Variants in ENDOD1 observed in about 807,000 individuals in gnomAD.
ENDOD1 encodes endonuclease domain-containing 1 protein.
ENDOD1 carries 9 observed loss-of-function variants against 6.5 expected under a neutral mutation model. That is an observed-to-expected ratio of 1.39 (90% confidence interval 0.84 to 2.43). ENDOD1 has a LOEUF of 2.43. ENDOD1 is among the 30% of genes most tolerant of loss of function. ENDOD1 has a pLI of 0.00. For synonymous variants in ENDOD1, 255 were observed against 255.2 expected, an observed-to-expected ratio of 1.00 and a Z score of 0.01; for missense variants, 648 against 635.5, an observed-to-expected ratio of 1.02 and a Z score of -0.21.
intron 1 of ENDOD1, among the ~76,000 whole-genome samples, chr11:95,122,391 CTT>C (rs539153720): frequency 3.6e-4 from 48 of 134,800 alleles, no homozygotes; most frequent in East Asian, 1.3e-3. Context: ...CCTGGCTTTT[CTT>C]TTTTTTTTTT....
At chr11:95,107,724 G>T (rs182284942) in intron 1 of ENDOD1, among the ~76,000 whole-genome samples, 1 of 152,132 alleles carries the variant, frequency 6.6e-6, no homozygotes, top group Non-Finnish European at 1.5e-5. Context: ...GCAGTGGCGC[G>T]ATCTCGGCTC....
intron 1 of ENDOD1, among the ~76,000 whole-genome samples, chr11:95,111,992 T>C (rs1025810791): frequency 3.3e-5 from 5 of 152,238 alleles, no homozygotes; most frequent in Non-Finnish European, 5.9e-5. Context: ...ACAAGAGGCC[T>C]CTTGCTGCAG....
intron 1 of ENDOD1, among the ~76,000 whole-genome samples, chr11:95,095,317 G>A (rs1272493457): frequency 6.6e-6 from 1 of 152,190 alleles, no homozygotes; most frequent in East Asian, 1.9e-4. Flanking sequence ...CACCCTCTCT[G>A]TCCTGGAAAA....
intron 1 of ENDOD1, among the ~76,000 whole-genome samples, chr11:95,104,447 T>TAAAAA (rs10716026): frequency 7.6e-6 from 1 of 131,128 alleles, no homozygotes. Flanking sequence ...GACCCTGTCT[T>TAAAAA]AAAAAAAAAA....
chr11:95,107,472 C>T (rs1193667808), intron 1 of ENDOD1, among the ~76,000 whole-genome samples: 4 of 151,990 alleles, frequency 2.6e-5, no homozygotes, highest in Admixed American at 2.6e-4. Context: ...AGAAATGGAG[C>T]CTTCTCAATG....
chr11:95,111,804 T>C (rs1859153295), intron 1 of ENDOD1, among the ~76,000 whole-genome samples: 1 of 152,134 alleles, frequency 6.6e-6, no homozygotes, highest in Non-Finnish European at 1.5e-5. Flanking sequence ...GACCCCTGCT[T>C]TAGAGCTTCA....
chr11:95,125,485 C>T (rs974143932), intron 1 of ENDOD1, among the ~76,000 whole-genome samples: 3 of 152,010 alleles, frequency 2.0e-5, no homozygotes, highest in African/African-American at 7.3e-5. Flanking sequence ...GGTACATGTG[C>T]ACAACGTGCA....
rs1325779145 is a variant in ENDOD1 at position 95,129,643 on chromosome 11, A to G, written c.*64A>G. The G allele has an allele frequency of 3.3e-6, 5 of 1,526,628 alleles. No individual in the cohort carries two copies. Among genetic ancestry groups the G allele is most frequent in the East Asian group, 2.3e-5 (1 of 44,236 alleles). The allele number at this position is 1,526,628 out of a possible 1,614,324, so 94.6% of individuals were successfully genotyped here. On this transcript the variant is annotated 3_prime_UTR_variant, in exon 2 of 2. Transcript: ENST00000278505. The stretch of plus-strand genomic sequence containing the variant: ...AAAGCTGGAATAGTTTGTCTTTACA[A>G]TGGGTTTCTGTTCACTGTCAGTTAT...
At chr11:95,100,357 GACACAGCTCCTTATCGTGCTCT>G (rs1332753287) in intron 1 of ENDOD1, among the ~76,000 whole-genome samples, 13 of 150,810 alleles carry the variant, frequency 8.6e-5, no homozygotes, top group Non-Finnish European at 1.5e-4. Context: ...TTCAGATAAG[GACACAGCTCCTTATCGTGCTCT>G]ACACAGCTCC....
chr11:95,105,940 G>T (rs1230610996), intron 1 of ENDOD1, among the ~76,000 whole-genome samples: 5 of 152,164 alleles, frequency 3.3e-5, no homozygotes, highest in Non-Finnish European at 7.3e-5. Flanking sequence ...TGTGGGGTAA[G>T]GGTAGGAGCC....
intron 1 of ENDOD1, among the ~76,000 whole-genome samples, chr11:95,103,369 A>T (rs1859060378): frequency 1.3e-5 from 2 of 152,106 alleles, no homozygotes; most frequent in Admixed American, 1.3e-4. Flanking sequence ...CTCTAGACTC[A>T]TAGTGTTGCA....
intron 1 of ENDOD1, among the ~76,000 whole-genome samples, chr11:95,102,469 C>T (rs540488753): frequency 5.3e-5 from 8 of 151,298 alleles, no homozygotes; most frequent in African/African-American, 1.7e-4. Flanking sequence ...GTCAAGAATT[C>T]GAGACCAGCC....
rs563776046 is a variant in ENDOD1 at position 95,112,748 on chromosome 11, C to T, written c.301-15629C>T. The stretch of plus-strand genomic sequence containing the variant: ...CCCTGACTGCACTCATTGTGCCCTT[C>T]CTTCCTCTGAAATTCCGTTGCTTTT... On this transcript the variant is annotated intron_variant, in intron 1 of 1. Coordinates refer to ENST00000278505, the MANE Select transcript of ENDOD1 (RefSeq NM_015036.3). 5.3e-5 allele frequency among the ~76,000 whole-genome samples: 8 copies of T among 152,360 alleles called. No individual in the cohort carries two copies. In the South Asian group the frequency reaches 1.7e-3, roughly 32 times the overall value.
intron 1 of ENDOD1, among the ~76,000 whole-genome samples, chr11:95,116,640 TTA>T (rs1859212291): frequency 2.0e-5 from 3 of 152,222 alleles, no homozygotes; most frequent in Non-Finnish European, 2.9e-5. Flanking sequence ...GACTTCCCTC[TTA>T]GTATTGCTTT....
In ENDOD1 at chr11:95,095,038, TGCAC is replaced by T. The variant is rs3222457; in HGVS notation, c.300+4816_300+4819del. Among the ~76,000 whole-genome samples, 300 of 137,582 alleles carry T rather than the reference TGCAC, an allele frequency of 2.2e-3. 2 individuals carry two copies. The highest frequency in any genetic ancestry group is 3.6e-3 in the Non-Finnish European group (240 of 66,640). The allele number at this position is 137,582 out of a possible 152,430, so 90.3% of individuals were successfully genotyped here. A position where few individuals can be genotyped will look rare whatever the true frequency, so the allele number is the denominator to read the frequency against. ...GTTACTTCAGTAGGTGCTAGGCGTGTGCACGCACACACACACACACACACACACA... is the reference window on the plus strand; with the variant it reads ...GTTACTTCAGTAGGTGCTAGGCGTGTGCACACACACACACACACACACACA... On this transcript the variant is annotated intron_variant, in intron 1 of 1. Coordinates refer to ENST00000278505, the MANE Select transcript of ENDOD1 (RefSeq NM_015036.3).
At chr11:95,101,572 G>A (rs1164981680) in intron 1 of ENDOD1, among the ~76,000 whole-genome samples, 1 of 151,924 alleles carries the variant, frequency 6.6e-6, no homozygotes, top group African/African-American at 2.4e-5. Flanking sequence ...TTTTTTTTTA[G>A]CATTTCAGAA....
At chr11:95,109,081 T>C (rs1478244175) in intron 1 of ENDOD1, among the ~76,000 whole-genome samples, 2 of 152,206 alleles carry the variant, frequency 1.3e-5, no homozygotes, top group Non-Finnish European at 2.9e-5. Context: ...ACTGTTCAGC[T>C]CATTCTATTA....
intron 1 of ENDOD1, among the ~76,000 whole-genome samples, chr11:95,095,070 CAAAT>C: frequency 6.7e-6 from 1 of 150,006 alleles, no homozygotes; most frequent in Non-Finnish European, 1.5e-5. Flanking sequence ...CACACACACA[CAAAT>C]GGAATGTTGG....
At chr11:95,112,620 A>G (rs1859162199) in intron 1 of ENDOD1, among the ~76,000 whole-genome samples, 1 of 152,228 alleles carries the variant, frequency 6.6e-6, no homozygotes. Flanking sequence ...GCCTTTGTGT[A>G]GAAATCTTGC....
Sources: gnomAD v4.1 joint callset for allele counts (sites outside exome capture counted in the v4.1 genomes callset) on GRCh38, gnomAD v4.1.1 for gene constraint, MANE v1.5 for transcripts, NCBI Gene and HGNC (gene_info 2026-07-23, HGNC 2026-07-21) for gene names.